The following NRG3 variants were observed in gnomAD, a reference collection of about 807,000 sequenced individuals.
NRG3 encodes the protein neuregulin 3.
Under a neutral mutation model 66.9 loss-of-function variants are expected in NRG3, and 31 were observed. The ratio of observed to expected loss-of-function variants is 0.46; its 90% confidence interval spans 0.35 to 0.63. The LOEUF (loss-of-function observed/expected upper bound fraction) is 0.63, where lower values mean the gene tolerates loss of function less well. Ranked by LOEUF, NRG3 falls within the 20% of genes least tolerant of loss-of-function variation. The pLI, the probability that NRG3 is intolerant of heterozygous loss-of-function variation, is 0.00. For missense variants in NRG3, 910 were observed against 878.9 expected (o/e 1.04, Z -0.45); for synonymous variants, 393 against 359.4 (o/e 1.09, Z -1.06).
intron 1 of NRG3, among the ~76,000 whole-genome samples, chr10:82,209,467 A>G (rs923041113): frequency 6.6e-6 from 1 of 152,216 alleles, no homozygotes; most frequent in East Asian, 1.9e-4. Flanking sequence ...ATGTATAAGT[A>G]GAATTATACA....
chr10:81,911,948 C>T (rs565788892), intron 1 of NRG3, among the ~76,000 whole-genome samples: 28 of 152,008 alleles, frequency 1.8e-4, no homozygotes, highest in African/African-American at 5.8e-4. Context: ...GCTTCTGAAA[C>T]GTACTATGAG....
At chr10:82,160,306 G>GT (rs1367222692) in intron 1 of NRG3, among the ~76,000 whole-genome samples, 1 of 151,888 alleles carries the variant, frequency 6.6e-6, no homozygotes, top group African/African-American at 2.4e-5. Context: ...GGCAGAAGAG[G>GT]TAAACTCAGT....
At chr10:82,566,810 A>G (rs1046538237) in intron 2 of NRG3, among the ~76,000 whole-genome samples, 3 of 152,046 alleles carry the variant, frequency 2.0e-5, no homozygotes, top group Admixed American at 2.0e-4. Flanking sequence ...CTAAATAAAA[A>G]AATAGTCGTC....
At chr10:82,383,940 T>C (rs1391134317) in intron 2 of NRG3, among the ~76,000 whole-genome samples, 1 of 151,952 alleles carries the variant, frequency 6.6e-6, no homozygotes, top group East Asian at 1.9e-4. Context: ...TTTTATCAAG[T>C]GGATGTGTTT....
At position 81,875,236 on chromosome 10, in the gene NRG3, C is replaced by T. The variant is rs1841512404; in HGVS notation, c.-105C>T. 1.9e-6 allele frequency: 1 copy of T among 513,628 alleles called. No homozygotes were observed. Among genetic ancestry groups the T allele is most frequent in the Non-Finnish European group, 2.5e-6 (1 of 401,750 alleles). 31.8% of individuals were successfully genotyped at this position (513,628 alleles called of 1,614,324 possible). On this transcript the variant is annotated 5_prime_UTR_variant, in exon 1 of 9. Coordinates refer to ENST00000372141, the MANE Select transcript of NRG3 (RefSeq NM_001010848.4). The surrounding 1 kb of genome is among the most constrained non-coding windows in gnomAD (Gnocchi z 5.3). ...CCGCGGCCGCTGCCTGCGCCCGAGC[C>T]CGCCGCCGCCGCCGGAGCCCGCGCC...
intron 2 of NRG3, among the ~76,000 whole-genome samples, chr10:82,646,754 G>C (rs2050962805): frequency 2.6e-5 from 4 of 152,044 alleles, no homozygotes; most frequent in Admixed American, 1.3e-4. Context: ...TGTTAAGCAT[G>C]GTGGGGGAGC....
chr10:82,770,827 A>G (rs975759014), intron 3 of NRG3, among the ~76,000 whole-genome samples: 1 of 152,072 alleles, frequency 6.6e-6, no homozygotes, highest in East Asian at 1.9e-4. Flanking sequence ...GGTGTCTTGG[A>G]CAAGGAACAG....
Position 82,206,537 on chromosome 10 carries a change from T to G in NRG3, c.824-152202T>G, listed in dbSNP as rs1023712685. Among the ~76,000 whole-genome samples, 10 of 152,272 alleles carry G rather than the reference T, an allele frequency of 6.6e-5. No individual in the cohort carries two copies. The East Asian group carries it at 1.9e-3, about 29-fold the overall frequency. On this transcript the variant is annotated intron_variant, in intron 1 of 8. Coordinates refer to ENST00000372141, the MANE Select transcript of NRG3 (RefSeq NM_001010848.4). ...GTAGTGTTATCTCTTGAGATAGATT[T>G]CTCTTGTGTCTTCTAATCTCCCCCC... is the stretch of plus-strand genomic sequence containing the variant.
At chr10:82,980,634 G>C (rs1852768957) in intron 8 of NRG3, among the ~76,000 whole-genome samples, 1 of 152,114 alleles carries the variant, frequency 6.6e-6, no homozygotes, top group Non-Finnish European at 1.5e-5. Flanking sequence ...GTCTAACAAA[G>C]ATCAGCAACA....
At chr10:82,087,902 T>A (rs568876599) in intron 1 of NRG3, among the ~76,000 whole-genome samples, 3 of 152,204 alleles carry the variant, frequency 2.0e-5, no homozygotes, top group South Asian at 2.1e-4. Context: ...AGTTACAGTA[T>A]CCAATTAAAA....
At chr10:82,054,973 G>A (rs1247273451) in intron 1 of NRG3, among the ~76,000 whole-genome samples, 2 of 151,592 alleles carry the variant, frequency 1.3e-5, no homozygotes, top group African/African-American at 4.9e-5. Flanking sequence ...GATCATACCA[G>A]CACACTCTAG....
Position 82,155,838 on chromosome 10 carries a change from C to T in NRG3, c.824-202901C>T, listed in dbSNP as rs7902681. Among the ~76,000 whole-genome samples, 365 of 151,736 alleles carry T rather than the reference C, an allele frequency of 2.4e-3. 1 individual carries two copies. The highest frequency in any genetic ancestry group is 8.3e-3 in the African/African-American group (344 of 41,482). ...TGTGATTATAAAAATGATAAAAGCT[C>T]AATACATAACAGGTAGTATGGACAT... On this transcript the variant is annotated intron_variant, in intron 1 of 8. Transcript: ENST00000372141.
intron 1 of NRG3, among the ~76,000 whole-genome samples, chr10:81,956,179 T>C (rs1849813880): frequency 6.6e-6 from 1 of 152,208 alleles, no homozygotes; most frequent in Non-Finnish European, 1.5e-5. Flanking sequence ...GTAGACGTGA[T>C]GTTTGGTGAC....
intron 2 of NRG3, among the ~76,000 whole-genome samples, chr10:82,460,225 A>G (rs999436895): frequency 1.3e-5 from 2 of 152,194 alleles, no homozygotes; most frequent in African/African-American, 4.8e-5. Context: ...GGTTATGGAA[A>G]CATGTCCACA....
intron 3 of NRG3, among the ~76,000 whole-genome samples, chr10:82,852,604 T>G (rs1333599134): frequency 6.6e-6 from 1 of 152,162 alleles, no homozygotes; most frequent in Non-Finnish European, 1.5e-5. Context: ...GAGGATGTCA[T>G]TCAGATTCCC....
intron 2 of NRG3, among the ~76,000 whole-genome samples, chr10:82,578,058 A>G (rs2133185111): frequency 6.6e-6 from 1 of 151,642 alleles, no homozygotes; most frequent in African/African-American, 2.4e-5. Flanking sequence ...GCCAATAAAG[A>G]AGGAACACAC....
chr10:82,839,151 C>G (rs1331171403), intron 3 of NRG3, among the ~76,000 whole-genome samples: 1 of 152,116 alleles, frequency 6.6e-6, no homozygotes, highest in Non-Finnish European at 1.5e-5. Context: ...ATCATCCAAA[C>G]TGAAAGTTGT....
At chr10:82,592,982 G>A (rs543385312) in intron 2 of NRG3, among the ~76,000 whole-genome samples, 1 of 152,072 alleles carries the variant, frequency 6.6e-6, no homozygotes, top group African/African-American at 2.4e-5. Flanking sequence ...GGCCCAATGG[G>A]ACTAACTGAT....
At chr10:82,860,289 A>G (rs1450930279) in intron 3 of NRG3, among the ~76,000 whole-genome samples, 1 of 152,208 alleles carries the variant, frequency 6.6e-6, no homozygotes, top group Admixed American at 6.5e-5. Context: ...GAGAAAGTAA[A>G]TAAGTGGTGC....
Sources: gnomAD v4.1 joint callset for allele counts (sites outside exome capture counted in the v4.1 genomes callset) on GRCh38, gnomAD v4.1.1 for gene constraint, Gnocchi (gnomAD v3.1) non-coding constraint, MANE v1.5 for transcripts, NCBI Gene and HGNC (gene_info 2026-07-23, HGNC 2026-07-21) for gene names.